Variants in ARHGAP10 observed in about 807,000 individuals in gnomAD.
ARHGAP10 encodes the protein rho GTPase-activating protein 10.
ARHGAP10 carries 87 observed loss-of-function variants against 108.6 expected under a neutral mutation model. The ratio of observed to expected loss-of-function variants is 0.80; its 90% CI spans 0.67 to 0.96. The LOEUF is 0.96. Among genes scored for constraint, ARHGAP10 ranks in the 40% least tolerant of loss-of-function variants. ARHGAP10 has a pLI of 0.00. For synonymous variants in ARHGAP10, 347 were observed against 341.1 expected (o/e 1.02, Z -0.19); for missense variants, 939 against 954.5 (o/e 0.98, Z 0.21).
intron 8 of ARHGAP10, among the ~76,000 whole-genome samples, chr4:147,877,105 G>C (rs576606012): frequency 6.6e-6 from 1 of 152,296 alleles, no homozygotes; most frequent in East Asian, 1.9e-4. Flanking sequence ...GTAGTGGAAA[G>C]ACCTTGATAT....
chr4:147,864,909 A>G lies in ARHGAP10; in HGVS notation c.550A>G (p.Lys184Glu). Reference protein sequence around the residue: ...FYELSLEYVCKLQEIQERKKF... With the variant: ...FYELSLEYVCELQEIQERKKF... ...TGAACTGTCTCTCGAGTATGTGTGT[A>G]AGCTGCAGGAAATCCAAGAAAGAAA... The change falls in exon 6 of 23, where the codon AAG (lysine) becomes GAG (glutamate). Residue 184 changes from lysine to glutamate, a missense_variant. Physicochemically the swap from Lys to Glu is moderately conservative, Grantham distance 56. Coordinates refer to ENST00000336498, the MANE Select transcript of ARHGAP10 (RefSeq NM_024605.4). 1 of 1,614,156 alleles carries G rather than the reference A, an allele frequency of 6.2e-7. No homozygotes were observed. The highest frequency in any genetic ancestry group is 8.5e-7 in the Non-Finnish European group (1 of 1,180,002).
At chr4:147,932,314 A>G (rs1737733495) in intron 13 of ARHGAP10, among the ~76,000 whole-genome samples, 1 of 152,220 alleles carries the variant, frequency 6.6e-6, no homozygotes, top group South Asian at 2.1e-4. Context: ...GTATATACCC[A>G]AAGGAATGTA....
intron 1 of ARHGAP10, among the ~76,000 whole-genome samples, chr4:147,756,325 A>G (rs1292845979): frequency 2.0e-5 from 3 of 152,068 alleles, no homozygotes; most frequent in Non-Finnish European, 2.9e-5. Context: ...TGGGGGGAGT[A>G]TAAAATATTG....
intron 22 of ARHGAP10, among the ~76,000 whole-genome samples, chr4:148,070,604 A>G (rs1416706983): frequency 6.6e-6 from 1 of 152,180 alleles, no homozygotes; most frequent in African/African-American, 2.4e-5. Context: ...ACACAAATCT[A>G]TGGGGAAAAA....
At chr4:147,988,250 A>G (rs1377082244) in intron 18 of ARHGAP10, among the ~76,000 whole-genome samples, 1 of 152,092 alleles carries the variant, frequency 6.6e-6, no homozygotes. Flanking sequence ...TGACTCCCAA[A>G]ATTTTATGGC....
At chr4:148,000,156 A>G (rs1740645562) in intron 18 of ARHGAP10, among the ~76,000 whole-genome samples, 2 of 151,582 alleles carry the variant, frequency 1.3e-5, no homozygotes, top group Admixed American at 6.6e-5. Context: ...ATTCCTGCCT[A>G]TGAGTGAGAA....
intron 18 of ARHGAP10, among the ~76,000 whole-genome samples, chr4:148,015,903 C>G (rs984243445): frequency 2.0e-5 from 3 of 152,168 alleles, no homozygotes; most frequent in Admixed American, 1.3e-4. Flanking sequence ...CTGGAAGTAC[C>G]TCTGTCTGCT....
intron 18 of ARHGAP10, among the ~76,000 whole-genome samples, chr4:148,000,124 G>A (rs1740643732): frequency 6.6e-6 from 1 of 151,652 alleles, no homozygotes; most frequent in African/African-American, 2.4e-5. Flanking sequence ...CCCTTCCTGT[G>A]TCCAAGTGTT....
intron 15 of ARHGAP10, among the ~76,000 whole-genome samples, chr4:147,952,927 T>C (rs1189492813): frequency 1.3e-5 from 2 of 152,058 alleles, no homozygotes; most frequent in Non-Finnish European, 2.9e-5. Context: ...AGTTAATTTT[T>C]ACATAAGATA....
chr4:147,735,502 A>G (rs1205659608), intron 1 of ARHGAP10, among the ~76,000 whole-genome samples: 2 of 152,216 alleles, frequency 1.3e-5, no homozygotes, highest in African/African-American at 4.8e-5. Flanking sequence ...TTTGGCTGGA[A>G]TGGTGGTTTT....
At chr4:147,835,808 A>G (rs567716143) in intron 3 of ARHGAP10, among the ~76,000 whole-genome samples, 1 of 152,252 alleles carries the variant, frequency 6.6e-6, no homozygotes, top group Non-Finnish European at 1.5e-5. Flanking sequence ...AAAATTCAAA[A>G]TTGCCTCATG....
chr4:148,054,411 A>G (rs1729275438), intron 20 of ARHGAP10, among the ~76,000 whole-genome samples: 1 of 152,372 alleles, frequency 6.6e-6, no homozygotes, highest in South Asian at 2.1e-4. Context: ...CACATGTAAT[A>G]AAACCCAATC....
chr4:147,788,223 G>A (rs1730974103), intron 1 of ARHGAP10, among the ~76,000 whole-genome samples: 1 of 152,076 alleles, frequency 6.6e-6, no homozygotes, highest in South Asian at 2.1e-4. Context: ...TAGGTGGATG[G>A]ATCACGAGGT....
At chr4:147,918,867 C>T (rs980717115) in intron 13 of ARHGAP10, among the ~76,000 whole-genome samples, 3 of 152,222 alleles carry the variant, frequency 2.0e-5, no homozygotes, top group Non-Finnish European at 2.9e-5. Context: ...TTGTGCCTGG[C>T]ATTGAGCTGG....
At chr4:147,872,184 C>A (rs1053919081) in intron 7 of ARHGAP10, among the ~76,000 whole-genome samples, 3 of 150,464 alleles carry the variant, frequency 2.0e-5, no homozygotes, top group East Asian at 1.9e-4. Flanking sequence ...GAGAGGGGGA[C>A]CTCATGGAGG....
intron 5 of ARHGAP10, 23 bp downstream of exon 5, chr4:147,857,677 T>C (rs1560793837): frequency 7.0e-7 from 1 of 1,419,822 alleles, no homozygotes; most frequent in Non-Finnish European, 9.3e-7. Flanking sequence ...ATTTTTCTGT[T>C]ACGTTTTCAA....
intron 18 of ARHGAP10, among the ~76,000 whole-genome samples, chr4:148,010,228 T>G (rs367946135): frequency 6.6e-6 from 1 of 152,166 alleles, no homozygotes; most frequent in African/African-American, 2.4e-5. Flanking sequence ...ATTCCAGATA[T>G]CTCTGGTCTG....
intron 1 of ARHGAP10, among the ~76,000 whole-genome samples, chr4:147,808,542 G>A (rs1348780692): frequency 6.6e-6 from 1 of 152,130 alleles, no homozygotes; most frequent in Non-Finnish European, 1.5e-5. Flanking sequence ...GTTAAGTTTT[G>A]CTGCTGTGTG....
intron 19 of ARHGAP10, among the ~76,000 whole-genome samples, chr4:148,038,451 C>T (rs571551939): frequency 2.2e-4 from 34 of 152,314 alleles, no homozygotes; most frequent in African/African-American, 8.2e-4. Context: ...TGTAGATTTT[C>T]TTCTCAGAGC....
Sources: allele counts gnomAD v4.1 joint callset (sites outside exome capture counted in the v4.1 genomes callset), GRCh38; gene constraint gnomAD v4.1.1; transcripts MANE v1.5; gene names NCBI Gene and HGNC (gene_info 2026-07-23, HGNC 2026-07-21).